The following TBC1D9 variants were observed in gnomAD, a reference collection of about 807,000 sequenced individuals.
TBC1D9 encodes TBC1 domain family member 9A.
TBC1D9 carries 63 observed loss-of-function variants against 132.0 expected under a neutral mutation model. The ratio of observed to expected loss-of-function variants is 0.48; its 90% confidence interval spans 0.39 to 0.59. The LOEUF is 0.59. Among genes scored for constraint, TBC1D9 ranks in the 20% least tolerant of loss-of-function variants. The pLI is 0.00. For missense variants in TBC1D9, 1,261 were observed against 1,592.7 expected (o/e 0.79, Z 3.54); for synonymous variants, 610 against 609.9 (o/e 1.00, Z 0.00).
At chr4:140,642,113 C>A in intron 13 of TBC1D9, 1 of 742,104 alleles carries the variant, frequency 1.3e-6, no homozygotes, top group South Asian at 1.4e-5. Flanking sequence ...CCCTCTTGGT[C>A]AGCTAGGGGC....
rs576159129 is a variant in TBC1D9 at position 140,643,021 on chromosome 4, C to T, written c.2338-3593G>A. 2.9e-4 allele frequency: 255 copies of T among 888,260 alleles called. 1 individual carries two copies. Among genetic ancestry groups the T allele is most frequent in the South Asian group, 5.1e-4 (30 of 59,362 alleles). The allele number at this position is 888,260 out of a possible 1,614,324, so 55.0% of individuals were successfully genotyped here. A position where few individuals can be genotyped will look rare whatever the true frequency, so the allele number is the denominator to read the frequency against. On this transcript the variant is annotated intron_variant, in intron 13 of 20. Coordinates refer to ENST00000442267, the MANE Select transcript of TBC1D9 (RefSeq NM_015130.3). ...AGTTCCAGGACGTCCATGTCCTCCACGGAGGACTTCATGGGGTACATCCGC... is the reference window on the plus strand; with the variant it reads ...AGTTCCAGGACGTCCATGTCCTCCATGGAGGACTTCATGGGGTACATCCGC...
chr4:140,678,896 T>C, intron 5 of TBC1D9, 46 bp downstream of exon 5: 2 of 1,588,098 alleles, frequency 1.3e-6, no homozygotes, highest in South Asian at 2.3e-5. Context: ...AATGAGTGAG[T>C]TTCTCATTTC....
chr4:140,664,704 A>C (rs1737415791), intron 9 of TBC1D9, among the ~76,000 whole-genome samples: 1 of 151,978 alleles, frequency 6.6e-6, no homozygotes, highest in African/African-American at 2.4e-5. Context: ...GGGTGCTAAG[A>C]CAATTCACTG....
chr4:140,642,763 T>C (rs1285294179), intron 13 of TBC1D9: 2 of 646,996 alleles, frequency 3.1e-6, no homozygotes, highest in East Asian at 2.6e-5. Flanking sequence ...AGTCATCTGA[T>C]GTCGGCAGAG....
At chr4:140,722,182 T>A (rs1375837081) in intron 1 of TBC1D9, among the ~76,000 whole-genome samples, 1 of 152,116 alleles carries the variant, frequency 6.6e-6, no homozygotes, top group Non-Finnish European at 1.5e-5. Flanking sequence ...TAGCTTCAAA[T>A]GGCATGGAAA....
intron 13 of TBC1D9, among the ~76,000 whole-genome samples, chr4:140,655,451 C>G (rs768325500): frequency 6.6e-6 from 1 of 152,188 alleles, no homozygotes; most frequent in East Asian, 1.9e-4. Context: ...CTCTTATCCA[C>G]TTTGTTGCTA....
At chr4:140,674,449 G>A (rs796244578) in intron 6 of TBC1D9, among the ~76,000 whole-genome samples, 2 of 152,064 alleles carry the variant, frequency 1.3e-5, no homozygotes, top group South Asian at 2.1e-4. Context: ...TAGATGCAAC[G>A]GAAAGGTCCA....
intron 13 of TBC1D9, among the ~76,000 whole-genome samples, chr4:140,653,916 A>G (rs150496345): frequency 6.9e-4 from 105 of 152,370 alleles, no homozygotes; most frequent in African/African-American, 2.4e-3. Context: ...GTAAATGGAA[A>G]TCAGCTGTTG....
At chr4:140,681,793 A>G (rs1230693140) in intron 3 of TBC1D9, among the ~76,000 whole-genome samples, 1 of 152,162 alleles carries the variant, frequency 6.6e-6, no homozygotes, top group Non-Finnish European at 1.5e-5. Flanking sequence ...ATCTTAACCC[A>G]TAAAATCTGC....
chr4:140,635,064 T>C (rs1055840150), intron 15 of TBC1D9, among the ~76,000 whole-genome samples: 4 of 152,118 alleles, frequency 2.6e-5, no homozygotes, highest in Non-Finnish European at 5.9e-5. Context: ...TATAGTTAAC[T>C]CTGGGTGGCA....
chr4:140,633,302 T>C (rs1413793901), intron 16 of TBC1D9, among the ~76,000 whole-genome samples: 1 of 152,222 alleles, frequency 6.6e-6, no homozygotes, highest in African/African-American at 2.4e-5. Context: ...TCCACTACCA[T>C]GAAGCTTTTG....
At chr4:140,729,867 T>C (rs914307044) in intron 1 of TBC1D9, among the ~76,000 whole-genome samples, 12 of 150,732 alleles carry the variant, frequency 8.0e-5, no homozygotes, top group African/African-American at 2.9e-4. Flanking sequence ...GGTTATTTCA[T>C]TGAATCTGAG....
intron 13 of TBC1D9, chr4:140,643,822 C>T: frequency 2.7e-6 from 2 of 743,854 alleles, no homozygotes. Context: ...AGCGCCTGGG[C>T]CTCCAACGGG....
intron 13 of TBC1D9, among the ~76,000 whole-genome samples, 173 bp downstream of exon 13, chr4:140,656,924 C>G (rs1004551704): frequency 6.6e-6 from 1 of 152,206 alleles, no homozygotes; most frequent in Non-Finnish European, 1.5e-5. Flanking sequence ...GCAGAAAGGC[C>G]AGGACCTAAC....
At chr4:140,626,759 G>A (rs955102499) in intron 18 of TBC1D9, among the ~76,000 whole-genome samples, 1 of 152,150 alleles carries the variant, frequency 6.6e-6, no homozygotes, top group Non-Finnish European at 1.5e-5. Context: ...GCCAGCATAT[G>A]TCTTTTGTAA....
intron 9 of TBC1D9, among the ~76,000 whole-genome samples, chr4:140,667,658 G>T (rs1412276507): frequency 6.6e-6 from 1 of 152,142 alleles, no homozygotes; most frequent in Admixed American, 6.5e-5. Context: ...CAGCACCTGG[G>T]AGGCTGAGGT....
intron 13 of TBC1D9, chr4:140,642,707 T>C: frequency 1.5e-6 from 1 of 661,880 alleles, no homozygotes. Context: ...ATTGTGTTCC[T>C]CCTTGGGCCC....
chr4:140,676,801 A>C (rs1737631560), intron 6 of TBC1D9, 93 bp downstream of exon 6: 3 of 1,505,734 alleles, frequency 2.0e-6, no homozygotes, highest in African/African-American at 2.8e-5. Context: ...ACCTGTGTTC[A>C]AAAGCCAATT....
intron 9 of TBC1D9, among the ~76,000 whole-genome samples, chr4:140,664,671 T>A (rs1247325414): frequency 1.3e-5 from 2 of 152,142 alleles, no homozygotes; most frequent in African/African-American, 4.8e-5. Flanking sequence ...TCCTAACATT[T>A]AAGGTCTATT....
Sources: allele counts gnomAD v4.1 joint callset (sites outside exome capture counted in the v4.1 genomes callset), GRCh38; gene constraint gnomAD v4.1.1; transcripts MANE v1.5; gene names NCBI Gene and HGNC (gene_info 2026-07-23, HGNC 2026-07-21).